GUCY2D: variants seen among roughly 807,000 people sequenced by gnomAD.
GUCY2D encodes retinal guanylyl cyclase 1.
A neutral mutation model predicts 101.3 loss-of-function variants in GUCY2D; 70 were observed. The observed-to-expected ratio is 0.69, with a 90% CI of 0.57 to 0.84. The LOEUF (loss-of-function observed/expected upper bound fraction) is 0.84, where lower values mean the gene tolerates loss of function less well. Ranked by LOEUF, GUCY2D falls within the 40% of genes least tolerant of loss-of-function variation. The probability of loss-of-function intolerance (pLI) is 0.00; values close to 1 mark genes in which losing one functional copy is unlikely to be tolerated. For synonymous variants in GUCY2D, 688 were observed against 670.7 expected (o/e 1.03, Z -0.40); for missense variants, 1,460 against 1,542.5 (o/e 0.95, Z 0.90).
chr17:8,012,198 C>T lies in GUCY2D; in HGVS notation c.1804C>T (p.Arg602Trp), dbSNP rs770740012. 50 of 1,613,978 alleles carry T rather than the reference C, an allele frequency of 3.1e-5. No homozygotes were observed. Among genetic ancestry groups the T allele is most frequent in the African/African-American group, 1.3e-4 (10 of 74,924 alleles). ...VALYLGLFLA[R>W]GAEGPAALWE... is the part of the protein sequence containing the mutation. Reference sequence around the variant, plus strand: ...CCTCTACCTGGGGCTTTTCCTGGCTCGGGGAGCAGAAGGCCCTGCGGCCCT... The same window carrying T: ...CCTCTACCTGGGGCTTTTCCTGGCTTGGGGAGCAGAAGGCCCTGCGGCCCT... The change falls in exon 9 of 20, where the codon CGG (arginine) becomes TGG (tryptophan). Residue 602 changes from arginine (R) to tryptophan (W), a missense_variant. Coordinates refer to ENST00000254854, the MANE Select transcript of GUCY2D (RefSeq NM_000180.4).
At chr17:8,010,704 G>A (rs1245409614) in intron 8 of GUCY2D, among the ~76,000 whole-genome samples, 1 of 151,444 alleles carries the variant, frequency 6.6e-6, no homozygotes, top group Admixed American at 6.6e-5. Context: ...GCTACTGTGG[G>A]AGGCTGAGGC....
rs9914315 is a variant in GUCY2D, at chr17:8,006,978, G to A, written c.1379-82G>A. 143 of 1,160,058 alleles carry A rather than the reference G, an allele frequency of 1.2e-4. No homozygotes were observed. In the African/African-American group the frequency reaches 1.8e-3, roughly 15 times the overall value. 71.9% of individuals were successfully genotyped at this position (1,160,058 alleles called of 1,614,324 possible). ...GCCCCCATCCCCCTTTCCTGGAGGG[G>A]CCAGCATGTGGCATGCCTCCCTAGA... On this transcript the variant is annotated intron_variant, in intron 4 of 19. Coordinates refer to ENST00000254854, the MANE Select transcript of GUCY2D (RefSeq NM_000180.4).
chr17:8,019,493 A>G (rs905152001), intron 19 of GUCY2D, among the ~76,000 whole-genome samples: 2 of 152,126 alleles, frequency 1.3e-5, no homozygotes, highest in African/African-American at 4.8e-5. Context: ...GGCTGGCCTC[A>G]AGCTCAAGTG....
Position 8,015,326 on chromosome 17 carries a change from A to G in GUCY2D, c.2770-2A>G, listed in dbSNP as rs1975943416. ...AATTCACACAACTCCTTCTTCCCCC[A>G]GGTGGAGACAATAGGGGACGCCTAT... On this transcript the variant is annotated splice_acceptor_variant, in intron 14 of 19. Coordinates refer to ENST00000254854, the MANE Select transcript of GUCY2D (RefSeq NM_000180.4). LOFTEE classifies it high-confidence loss of function. 1 of 1,604,894 alleles carries G rather than the reference A, an allele frequency of 6.2e-7. No homozygotes were observed. The highest frequency in any genetic ancestry group is 1.1e-5 in the South Asian group (1 of 91,084).
At position 8,012,205 on chromosome 17, in the gene GUCY2D, C is replaced by T. The variant is rs1165992040; in HGVS notation, c.1811C>T (p.Ala604Val). ...CTGGGGCTTTTCCTGGCTCGGGGAG[C>T]AGAAGGCCCTGCGGCCCTCTGGGAG... is the stretch of plus-strand genomic sequence containing the variant. ...LYLGLFLARG[A>V]EGPAALWEGN... Residue 604 changes from alanine to valine, a missense_variant, in exon 9 of 20, where the codon GCA becomes GTA. Physicochemically the swap from Ala to Val is moderately conservative, Grantham distance 64. Around this residue, in one of 3 missense-constraint regions of GUCY2D, gnomAD observed 1,196 missense variants for 1,229.6 expected, o/e 0.97. Coordinates refer to ENST00000254854, the MANE Select transcript of GUCY2D (RefSeq NM_000180.4). 4 of 1,614,114 alleles carry T rather than the reference C, an allele frequency of 2.5e-6. No homozygotes were observed. The highest frequency in any genetic ancestry group is 1.3e-5 in the African/African-American group (1 of 75,058).
chr17:8,017,728 C>A (rs1976004213), intron 19 of GUCY2D, among the ~76,000 whole-genome samples: 1 of 152,098 alleles, frequency 6.6e-6, no homozygotes. Flanking sequence ...CACTTTGTCA[C>A]CCAGGCTGGA....
At position 8,015,639 on chromosome 17, in the gene GUCY2D, G is replaced by A. The variant is rs916350064; in HGVS notation, c.2945-104G>A. The A allele has an allele frequency of 4.2e-6, 5 of 1,181,846 alleles. No individual in the cohort carries two copies. The East Asian group carries it at 1.3e-4, about 30-fold the overall frequency. The allele number at this position is 1,181,846 out of a possible 1,614,324, so 73.2% of individuals were successfully genotyped here. On this transcript the variant is annotated intron_variant, in intron 15 of 19. Coordinates refer to ENST00000254854, the MANE Select transcript of GUCY2D (RefSeq NM_000180.4). ...AGGATGCACTTAACAAGGCTTATTT[G>A]GGGGGCTGGTGGAGATAATGGGTGC...
intron 15 of GUCY2D, 78 bp from the exon 16 acceptor site, chr17:8,015,665 G>A (rs1016792960): frequency 1.8e-5 from 22 of 1,249,228 alleles, no homozygotes; most frequent in African/African-American, 5.9e-5. Context: ...TAATGGGTGC[G>A]AAGATCCCCC....
At chr17:8,005,746 C>A (rs1329866702) in intron 3 of GUCY2D, among the ~76,000 whole-genome samples, 1 of 152,168 alleles carries the variant, frequency 6.6e-6, no homozygotes, top group East Asian at 1.9e-4. Flanking sequence ...TTCCTTGAGA[C>A]GGGGTCTGTC....
In GUCY2D at chr17:8,013,906, C is replaced by G; in HGVS notation, c.2290C>G (p.Pro764Ala). 1 of 1,613,624 alleles carries G rather than the reference C, an allele frequency of 6.2e-7. No individual in the cohort carries two copies. The highest frequency in any genetic ancestry group is 8.5e-7 in the Non-Finnish European group (1 of 1,179,552). Residue 764 changes from proline (P) to alanine (A), a missense_variant, in exon 12 of 20, where the codon CCT becomes GCT. Physicochemically the swap from Pro to Ala is conservative, Grantham distance 27 (BLOSUM62 -1). Around this residue, in one of 3 missense-constraint regions of GUCY2D, gnomAD observed 1,196 missense variants for 1,229.6 expected, o/e 0.97. Coordinates refer to ENST00000254854, the MANE Select transcript of GUCY2D (RefSeq NM_000180.4). The surrounding 1 kb of genome is among the most constrained non-coding windows in gnomAD (Gnocchi z 5.0). ...AGTGGTGCAGAGGGTGCGGAGCCCC[C>G]CTCCACTGTGTCGGCCCTTGGTGTC... ...EEVVQRVRSP[P>A]PLCRPLVSMD...
Position 8,016,455 on chromosome 17 carries a change from C to T in GUCY2D, c.3237C>T (p.His1079=), listed in dbSNP as rs529348303. 3.8e-6 allele frequency: 6 copies of T among 1,569,706 alleles called. No individual in the cohort carries two copies. Among genetic ancestry groups the T allele is most frequent in the Admixed American group, 3.7e-5 (2 of 54,094 alleles). The change falls in exon 19 of 20, where the codon CAC becomes CAT. Residue 1079 remains histidine (H), a synonymous_variant. Transcript: ENST00000254854. ...CCCCTCCTTGCAGGTCCAGCAACCA[C>T]GGCATCAGCCTGCAGGAGATCCCAC... The part of the protein sequence containing the change: ...PPDLQPGSSN[H]GISLQEIPPE...
rs1270111845 is a variant in GUCY2D at position 8,012,600 on chromosome 17, G to A, written c.2107G>A (p.Ala703Thr). ...AQKVLPEPPRAEDQLWTAPEL... is the reference protein window; with the variant it reads ...AQKVLPEPPRTEDQLWTAPEL... ...GAAGGTGCTACCGGAGCCTCCCAGA[G>A]CGGAGGGTAAGAGTCCCCTGTGCAG... is the stretch of plus-strand genomic sequence containing the variant. The change falls in exon 10 of 20, where the codon GCG becomes ACG. Residue 703 changes from alanine (A) to threonine (T), a missense_variant. Physicochemically the swap from Ala to Thr is moderately conservative, Grantham distance 58 (BLOSUM62 0). This residue lies in a region of GUCY2D where 1,196 missense variants were observed against 1,229.6 expected (regional missense o/e 0.97). Transcript: ENST00000254854. 1 of 1,613,066 alleles carries A rather than the reference G, an allele frequency of 6.2e-7. No individual in the cohort carries two copies. The highest frequency in any genetic ancestry group is 8.5e-7 in the Non-Finnish European group (1 of 1,179,576).
chr17:8,003,680 TG>T lies in GUCY2D; in HGVS notation c.634del (p.Val212SerfsTer4). On this transcript the variant is annotated frameshift_variant, in exon 2 of 20. Transcript: ENST00000254854. LOFTEE classifies it high-confidence loss of function. ...CGGCACTCAGGGCCCGGGGCCTGCCTGTCGCCTCCGTGACTTCCATGGAGCC... is the reference window on the plus strand; with the variant it reads ...CGGCACTCAGGGCCCGGGGCCTGCCTTCGCCTCCGTGACTTCCATGGAGCC... ...STALRARGLP[V>X]ASVTSMEPLD... 1 of 1,596,948 alleles carries T rather than the reference TG, an allele frequency of 6.3e-7. No homozygotes were observed. Among genetic ancestry groups the T allele is most frequent in the Non-Finnish European group, 8.5e-7 (1 of 1,178,974 alleles).
Position 8,003,670 on chromosome 17 carries a change from G to C in GUCY2D, c.623G>C (p.Arg208Pro). The C allele has an allele frequency of 6.3e-7, 1 of 1,595,776 alleles. No individual in the cohort carries two copies. Among genetic ancestry groups the C allele is most frequent in the South Asian group, 1.1e-5 (1 of 90,564 alleles). ...GRSLSTALRA[R>P]GLPVASVTSM... ...TCACTGTCCACGGCACTCAGGGCCC[G>C]GGGCCTGCCTGTCGCCTCCGTGACT... The change falls in exon 2 of 20, where the codon CGG (arginine) becomes CCG (proline). Residue 208 changes from arginine to proline, a missense_variant. Physicochemically the swap from Arg to Pro is moderately radical, Grantham distance 103. This residue lies in a region of GUCY2D where 1,196 missense variants were observed against 1,229.6 expected (regional missense o/e 0.97). Coordinates refer to ENST00000254854, the MANE Select transcript of GUCY2D (RefSeq NM_000180.4).
rs1402786362 is a variant in GUCY2D at position 8,006,652 on chromosome 17, G to T, written c.1316G>T (p.Gly439Val). The T allele has an allele frequency of 3.1e-6, 5 of 1,612,612 alleles. No homozygotes were observed. The African/African-American group carries it at 6.7e-5, about 22-fold the overall frequency. Residue 439 changes from glycine (G) to valine (V), a missense_variant, in exon 4 of 20, where the codon GGG becomes GTG. This residue lies in a region of GUCY2D where 1,196 missense variants were observed against 1,229.6 expected (regional missense o/e 0.97). Transcript: ENST00000254854. ...GGTACCCGGATGCACTTCCCGCGTG[G>T]GGGATCAGCACCCGGACCTGACCCC... ...SAGTRMHFPR[G>V]GSAPGPDPSC...
Position 8,016,450 on chromosome 17 carries a change from A to T in GUCY2D, c.3232A>T (p.Asn1078Tyr). ...KPPDLQPGSS[N>Y]HGISLQEIPP... is the part of the protein sequence containing the mutation. ...ACCGCCCCCTCCTTGCAGGTCCAGC[A>T]ACCACGGCATCAGCCTGCAGGAGAT... The change falls in exon 19 of 20, where the codon AAC becomes TAC. Residue 1078 changes from asparagine (N) to tyrosine (Y), a missense_variant. By Grantham distance (143) the Asn-to-Tyr change is moderately radical. Transcript: ENST00000254854. 6.4e-7 allele frequency: 1 copy of T among 1,567,504 alleles called. No homozygotes were observed. Among genetic ancestry groups the T allele is most frequent in the Non-Finnish European group, 8.6e-7 (1 of 1,156,654 alleles).
chr17:8,009,753 G>A (rs1471623525), intron 8 of GUCY2D, among the ~76,000 whole-genome samples, 167 bp downstream of exon 8: 1 of 152,112 alleles, frequency 6.6e-6, no homozygotes, highest in African/African-American at 2.4e-5. Context: ...TGTGAGGGAG[G>A]ATCACCTGAG....
Position 8,015,001 on chromosome 17 carries a change from G to A in GUCY2D, c.2719G>A (p.Asp907Asn), listed in dbSNP as rs1314298060. Residue 907 changes from aspartate to asparagine, a missense_variant, in exon 14 of 20, where the codon GAT (aspartate) becomes AAT (asparagine). Around this residue, in one of 3 missense-constraint regions of GUCY2D, gnomAD observed 49 missense variants for 85.0 expected, o/e 0.58. Transcript: ENST00000254854. ...EPIEVVDLLN[D>N]LYTLFDAIIG... ...CATTGAGGTTGTGGACCTGCTCAAC[G>A]ATCTCTACACACTCTTTGATGCCAT... 3.1e-5 allele frequency: 50 copies of A among 1,614,054 alleles called. No individual in the cohort carries two copies. The highest frequency in any genetic ancestry group is 4.2e-5 in the Non-Finnish European group (49 of 1,179,982).
chr17:8,013,543 G>A lies in GUCY2D; in HGVS notation c.2263+291G>A. 1 of 575,986 alleles carries A rather than the reference G, an allele frequency of 1.7e-6. No individual in the cohort carries two copies. The highest frequency in any genetic ancestry group is 2.0e-5 in the South Asian group (1 of 49,288). The allele number at this position is 575,986 out of a possible 1,614,324, so 35.7% of individuals were successfully genotyped here. ...CCTCTCTGTTCTCAGGGGTCCCTGG[G>A]AGGAGCAGGGGAGGGGGAGTGGGTG... On this transcript the variant is annotated intron_variant, in intron 11 of 19. Transcript: ENST00000254854. The surrounding 1 kb of genome is among the most constrained non-coding windows in gnomAD (Gnocchi z 5.0).
Sources: allele counts gnomAD v4.1 joint callset (sites outside exome capture counted in the v4.1 genomes callset), GRCh38; gene constraint gnomAD v4.1.1; regional missense constraint gnomAD v4.1.1; non-coding constraint Gnocchi (gnomAD v3.1); transcripts MANE v1.5; gene names NCBI Gene and HGNC (gene_info 2026-07-23, HGNC 2026-07-21).